The following VWF variants were observed in gnomAD, a reference collection of about 807,000 sequenced individuals.
The protein encoded by VWF is von Willebrand factor.
A neutral mutation model predicts 308.6 loss-of-function variants in VWF; 176 were observed. The ratio of observed to expected loss-of-function variants is 0.57; its 90% confidence interval spans 0.50 to 0.65. VWF has a LOEUF of 0.65. VWF is among the 30% of genes least tolerant of loss of function. VWF has a pLI of 0.00. For missense variants in VWF, 3,146 were observed against 3,648.2 expected, an observed-to-expected ratio of 0.86 and a Z score of 3.55; for synonymous variants, 1,385 against 1,443.4, an observed-to-expected ratio of 0.96 and a Z score of 0.92.
intron 44 of VWF, 55 bp from the exon 45 acceptor site, chr12:5,969,446 C>A: frequency 6.2e-7 from 1 of 1,606,282 alleles, no homozygotes; most frequent in South Asian, 1.1e-5. Context: ...AGCCCAGGGT[C>A]CCATTGGGAA....
chr12:6,048,179 T>C (rs1006669852), intron 16 of VWF, among the ~76,000 whole-genome samples: 1 of 152,236 alleles, frequency 6.6e-6, no homozygotes, highest in Non-Finnish European at 1.5e-5. Flanking sequence ...TTTGCTTTGT[T>C]TTGTTTGGAG....
At chr12:6,012,189 T>C (rs1310037128) in intron 32 of VWF, 59 bp from the exon 33 acceptor site, 11 of 1,589,356 alleles carry the variant, frequency 6.9e-6, no homozygotes, top group East Asian at 2.2e-5. Context: ...TTCTGAACCA[T>C]TCACAATGTC....
rs745465856 is a variant in VWF, at chr12:6,075,563, G to A, written c.658-12C>T. The stretch of plus-strand genomic sequence containing the variant: ...TGCTCCCACAGGCCCTGCAGGAAGA[G>A]GGGCCGCCTCAGCGGTATGCTCCGT... On this transcript the variant is annotated splice_polypyrimidine_tract_variant and intron_variant, in intron 6 of 51. Transcript: ENST00000261405. The surrounding 1 kb of genome is among the most constrained non-coding windows in gnomAD (Gnocchi z 4.7). 2 of 1,611,434 alleles carry A rather than the reference G, an allele frequency of 1.2e-6. No homozygotes were observed. The highest frequency in any genetic ancestry group is 1.3e-5 in the African/African-American group (1 of 75,006).
In VWF at chr12:5,952,169, C is replaced by T. The variant is rs1943199171; in HGVS notation, c.8115+222G>A. 7.2e-6 allele frequency: 5 copies of T among 693,836 alleles called. No homozygotes were observed. The East Asian group carries it at 1.4e-4, about 19-fold the overall frequency. The allele number at this position is 693,836 out of a possible 1,614,324, so 43.0% of individuals were successfully genotyped here. On this transcript the variant is annotated intron_variant, in intron 49 of 51. Coordinates refer to ENST00000261405, the MANE Select transcript of VWF (RefSeq NM_000552.5). ...TCACATTTTATTCAAGAATCACACA[C>T]TCAGCCTCCCTTAAGGAAAATATTT... is the stretch of plus-strand genomic sequence containing the variant.
chr12:6,055,508 A>C (rs1944566828), intron 15 of VWF, among the ~76,000 whole-genome samples: 1 of 152,092 alleles, frequency 6.6e-6, no homozygotes, highest in African/African-American at 2.4e-5. Flanking sequence ...GACATCCCAG[A>C]GCTGGAGGAA....
intron 34 of VWF, among the ~76,000 whole-genome samples, 188 bp from the exon 35 acceptor site, chr12:5,996,410 A>G (rs1943809377): frequency 6.6e-6 from 1 of 152,168 alleles, no homozygotes; most frequent in Non-Finnish European, 1.5e-5. Flanking sequence ...TCTGAGAGGT[A>G]GAGAGGTTTA....
rs766826267 is a variant in VWF, at chr12:6,077,488, G to A, written c.658-1937C>T. On this transcript the variant is annotated intron_variant, in intron 6 of 51. Transcript: ENST00000261405. ...CTTGCCCAATCCCCTTCTGCCGGGC[G>A]GGCACCCACGGCATGGCTATGACAA... Among the ~76,000 whole-genome samples the A allele has an allele frequency of 4.6e-5, 7 of 152,142 alleles. No individual in the cohort carries two copies. In the East Asian group the frequency reaches 5.8e-4, roughly 13 times the overall value.
At chr12:6,080,639 C>G (rs1348854079) in intron 6 of VWF, among the ~76,000 whole-genome samples, 1 of 152,214 alleles carries the variant, frequency 6.6e-6, no homozygotes, top group African/African-American at 2.4e-5. Context: ...AAGACTCCAG[C>G]CCAGTCTTGC....
intron 27 of VWF, among the ~76,000 whole-genome samples, 163 bp downstream of exon 27, chr12:6,021,737 A>C (rs1591864769): frequency 6.6e-6 from 1 of 152,164 alleles, no homozygotes; most frequent in East Asian, 1.9e-4. Flanking sequence ...CAAACAAAAC[A>C]ATAAACTACA....
chr12:5,979,622 C>T (rs570482964), intron 42 of VWF, among the ~76,000 whole-genome samples: 21 of 151,408 alleles, frequency 1.4e-4, no homozygotes, highest in South Asian at 4.2e-4. Flanking sequence ...TGGTGGTGTG[C>T]GCCTGCAATC....
chr12:6,042,721 C>T (rs1944408826), intron 18 of VWF, among the ~76,000 whole-genome samples: 1 of 152,188 alleles, frequency 6.6e-6, no homozygotes, highest in African/African-American at 2.4e-5. Flanking sequence ...ATAGCCACAG[C>T]CTGTATTTGA....
At chr12:5,968,406 G>A (rs1342802683) in intron 45 of VWF, among the ~76,000 whole-genome samples, 1 of 152,146 alleles carries the variant, frequency 6.6e-6, no homozygotes, top group African/African-American at 2.4e-5. Context: ...AAGTGACAGC[G>A]CTTGCTTATG....
chr12:6,087,287 C>T lies in VWF; in HGVS notation c.657+8173G>A, dbSNP rs567582319. Among the ~76,000 whole-genome samples, 3 of 151,208 alleles carry T rather than the reference C, an allele frequency of 2.0e-5. No homozygotes were observed. In the East Asian group the frequency reaches 5.9e-4, roughly 30 times the overall value. On this transcript the variant is annotated intron_variant, in intron 6 of 51. Coordinates refer to ENST00000261405, the MANE Select transcript of VWF (RefSeq NM_000552.5). ...GAATTTACCAGGGAGTAAAGGAGGGCTGCCTAGGGCTGAGGTCTGCAAGAT... is the reference window on the plus strand; with the variant it reads ...GAATTTACCAGGGAGTAAAGGAGGGTTGCCTAGGGCTGAGGTCTGCAAGAT...
At position 6,020,108 on chromosome 12, in the gene VWF, A is replaced by T. The variant is rs1440513140; in HGVS notation, c.3675-365T>A. 6.6e-6 allele frequency among the ~76,000 whole-genome samples: 1 copy of T among 152,230 alleles called. No homozygotes were observed. Among genetic ancestry groups the T allele is most frequent in the Non-Finnish European group, 1.5e-5 (1 of 68,042 alleles). On this transcript the variant is annotated intron_variant, in intron 27 of 51. Transcript: ENST00000261405. This position sits in a 1 kb window ranked among gnomAD's most constrained non-coding sequence, Gnocchi z 4.3. ...CAACATGAATACTTAATTATAATCC[A>T]AGCCTTCTTACAAGTGTCTCCAAGA...
chr12:6,046,561 C>A lies in VWF; in HGVS notation c.2281+162G>T, dbSNP rs1485742020. On this transcript the variant is annotated intron_variant, in intron 17 of 51. Transcript: ENST00000261405. The surrounding 1 kb of genome is among the most constrained non-coding windows in gnomAD (Gnocchi z 5.0). ...AAGACATGCCTTGGCCTGAAAGTCA[C>A]TCACACAAACCCAGAAATGAAGGCG... Among the ~76,000 whole-genome samples, 1 of 152,254 alleles carries A rather than the reference C, an allele frequency of 6.6e-6. No individual in the cohort carries two copies. The highest frequency in any genetic ancestry group is 1.5e-5 in the Non-Finnish European group (1 of 68,042).
rs1053792427 is a variant in VWF, at chr12:5,951,774, G to A, written c.8155+70C>T. On this transcript the variant is annotated intron_variant, in intron 50 of 51. Transcript: ENST00000261405. ...GCGGCTTGCTAATGGGTTTCAAGGAGCAAGCTGCAAAGAGCCCCTGGACTT... is the reference window on the plus strand; with the variant it reads ...GCGGCTTGCTAATGGGTTTCAAGGAACAAGCTGCAAAGAGCCCCTGGACTT... 1.7e-5 allele frequency: 26 copies of A among 1,557,548 alleles called. No homozygotes were observed. In the South Asian group the frequency reaches 2.3e-4, roughly 14 times the overall value.
chr12:6,107,162 CTAAA>C (rs1022079178), intron 5 of VWF, among the ~76,000 whole-genome samples: 80 of 152,230 alleles, frequency 5.3e-4, no homozygotes, highest in African/African-American at 1.9e-3. Flanking sequence ...ACTTACAAGA[CTAAA>C]TACTGCAAAT....
At chr12:5,983,794 G>GAGATAGATAGATAGAT (rs11268064) in intron 40 of VWF, among the ~76,000 whole-genome samples, 13,450 of 148,674 alleles carry the variant, frequency 0.09, 696 homozygotes, top group East Asian at 0.21. Flanking sequence ...AGATACAATA[G>GAGATAGATAGATAGAT]AGATAGATAG....
chr12:6,073,864 C>T, intron 7 of VWF, 123 bp from the exon 8 acceptor site: 2 of 1,474,282 alleles, frequency 1.4e-6, no homozygotes, highest in Non-Finnish European at 1.8e-6. Context: ...CTTCAGGCTT[C>T]CAGGTCCTTC....
Sources: allele counts gnomAD v4.1 joint callset (sites outside exome capture counted in the v4.1 genomes callset), GRCh38; gene constraint gnomAD v4.1.1; non-coding constraint Gnocchi (gnomAD v3.1); transcripts MANE v1.5; gene names NCBI Gene and HGNC (gene_info 2026-07-23, HGNC 2026-07-21).